The following SEMA3A variants were observed in gnomAD, a reference collection of about 807,000 sequenced individuals.
SEMA3A encodes the protein semaphorin 3A.
SEMA3A carries 29 observed loss-of-function variants against 97.9 expected under a neutral mutation model. The observed-to-expected ratio is 0.30, with a 90% CI of 0.22 to 0.40. The LOEUF (loss-of-function observed/expected upper bound fraction) is 0.40, where lower values mean the gene tolerates loss of function less well. Ranked by LOEUF, SEMA3A falls within the 10% of genes least tolerant of loss-of-function variation. SEMA3A has a pLI of 1.00. For missense variants in SEMA3A, 763 were observed against 951.3 expected, an observed-to-expected ratio of 0.80 and a Z score of 2.60; for synonymous variants, 321 against 323.7, an observed-to-expected ratio of 0.99 and a Z score of 0.09.
intron 4 of SEMA3A, among the ~76,000 whole-genome samples, chr7:84,091,213 AAAAGAAAAG>A (rs1373529725): frequency 1.9e-3 from 124 of 64,918 alleles, no homozygotes; most frequent in African/African-American, 5.7e-3. Flanking sequence ...AGAAAGAAAG[AAAAGAAAAG>A]AAAGAAAAGA....
chr7:84,147,028 C>A (rs1281821195), intron 1 of SEMA3A, among the ~76,000 whole-genome samples: 2 of 152,182 alleles, frequency 1.3e-5, no homozygotes, highest in Admixed American at 1.3e-4. Flanking sequence ...TAACACAGCA[C>A]ATGTTTCAGA....
chr7:84,005,130 G>A (rs1354441303), intron 11 of SEMA3A, among the ~76,000 whole-genome samples: 1 of 152,132 alleles, frequency 6.6e-6, no homozygotes, highest in East Asian at 1.9e-4. Context: ...AACATATGAA[G>A]CTAATCAACT....
chr7:84,396,685 T>C (rs932916093), intron 1 of SEMA3A, among the ~76,000 whole-genome samples: 10 of 152,056 alleles, frequency 6.6e-5, no homozygotes, highest in Admixed American at 6.6e-4. Flanking sequence ...CCTCCAAAGA[T>C]AGTAATAGCT....
rs1404241348 is a variant in SEMA3A at position 83,956,464 on chromosome 7, TG to T, written c.*4906del. 3.3e-5 allele frequency: 5 copies of T among 152,228 alleles called. No homozygotes were observed. The highest frequency in any genetic ancestry group is 3.3e-4 in the Admixed American group (5 of 15,282). The allele number at this position is 152,228 out of a possible 1,614,324, so 9.4% of individuals were successfully genotyped here. A position where few individuals can be genotyped will look rare whatever the true frequency, so the allele number is the denominator to read the frequency against. ...TAGAGGAGAGATTATGAAATACAGATGAGTTTGAAGACGGTTGTGGGAACAC... is the reference window on the plus strand; with the variant it reads ...TAGAGGAGAGATTATGAAATACAGATAGTTTGAAGACGGTTGTGGGAACAC... On this transcript the variant is annotated 3_prime_UTR_variant, in exon 17 of 17. Transcript: ENST00000265362.
At chr7:84,425,834 T>TAA (rs1177000361) in intron 1 of SEMA3A, among the ~76,000 whole-genome samples, 2 of 128,112 alleles carry the variant, frequency 1.6e-5, no homozygotes, top group African/African-American at 5.8e-5. Context: ...CATATATATA[T>TAA]AATATATAAT....
chr7:83,981,330 G>C lies in SEMA3A; in HGVS notation c.1643C>G (p.Thr548Ser). 6.2e-7 allele frequency: 1 copy of C among 1,613,894 alleles called. No homozygotes were observed. Among genetic ancestry groups the C allele is most frequent in the South Asian group, 1.1e-5 (1 of 91,068 alleles). The change falls in exon 14 of 17, where the codon ACT (threonine) becomes AGT (serine). Residue 548 changes from threonine (T) to serine (S), a missense_variant. Thr to Ser is a moderately conservative substitution (Grantham distance 58). Transcript: ENST00000265362. ...TGAATATTTTTCCTACCTCTTTGCA[G>C]TGGGAAAATAGCGAGAACATGCAGA... Reference protein sequence around the residue: ...DGSACSRYFPTAKRRTRRQDI... With the variant: ...DGSACSRYFPSAKRRTRRQDI...
intron 11 of SEMA3A, among the ~76,000 whole-genome samples, chr7:84,004,097 G>A (rs3801601): frequency 0.24 from 36,445 of 151,828 alleles, 4,524 homozygotes; most frequent in South Asian, 0.31. Flanking sequence ...AATAAATGTT[G>A]TTATACAAGG....
intron 1 of SEMA3A, among the ~76,000 whole-genome samples, chr7:84,397,399 A>C (rs2116196692): frequency 6.7e-6 from 1 of 148,554 alleles, no homozygotes; most frequent in Non-Finnish European, 1.5e-5. Context: ...AAACCAAAAT[A>C]TATATGTAAT....
At chr7:84,098,903 G>T (rs557777383) in intron 4 of SEMA3A, among the ~76,000 whole-genome samples, 82 of 149,212 alleles carry the variant, frequency 5.5e-4, no homozygotes, top group Non-Finnish European at 1.1e-3. Context: ...TTCTTTCACA[G>T]AATTATTAAA....
intron 2 of SEMA3A, among the ~76,000 whole-genome samples, chr7:84,312,915 TATATATACACAC>T (rs1801373243): frequency 4.6e-5 from 2 of 43,578 alleles, no homozygotes; most frequent in African/African-American, 6.7e-5. Context: ...TATATATATA[TATATATACACAC>T]ACACACACAC....
At chr7:84,184,941 A>G (rs1438646205) in intron 1 of SEMA3A, among the ~76,000 whole-genome samples, 1 of 152,182 alleles carries the variant, frequency 6.6e-6, no homozygotes, top group Non-Finnish European at 1.5e-5. Flanking sequence ...AAGGTCAACC[A>G]CAAATGACAG....
chr7:84,377,413 A>C (rs1480960377), intron 1 of SEMA3A, among the ~76,000 whole-genome samples: 2 of 152,064 alleles, frequency 1.3e-5, no homozygotes, highest in African/African-American at 2.4e-5. Flanking sequence ...GTTGGCTGTA[A>C]ATATATGGTT....
At chr7:84,490,717 C>A (rs1164907001) in intron 1 of SEMA3A, among the ~76,000 whole-genome samples, 1 of 152,080 alleles carries the variant, frequency 6.6e-6, no homozygotes, top group Non-Finnish European at 1.5e-5. Context: ...TGGAGTAAAT[C>A]AAGAAGAAAC....
intron 4 of SEMA3A, among the ~76,000 whole-genome samples, chr7:84,101,786 C>T (rs755533978): frequency 6.6e-6 from 1 of 152,030 alleles, no homozygotes; most frequent in African/African-American, 2.4e-5. Flanking sequence ...ACTGAGCTGT[C>T]CTATACGGGA....
intron 1 of SEMA3A, among the ~76,000 whole-genome samples, chr7:84,166,828 T>C (rs1464691533): frequency 2.8e-5 from 4 of 145,350 alleles, no homozygotes; most frequent in African/African-American, 7.8e-5. Context: ...TGAGCCGAGA[T>C]TGCACCACTG....
At chr7:84,134,709 A>G in intron 2 of SEMA3A, 85 bp downstream of exon 2, 2 of 1,059,052 alleles carry the variant, frequency 1.9e-6, no homozygotes, top group Non-Finnish European at 2.6e-6. Context: ...TTCTGTCAGT[A>G]ATCATGCTTT....
At chr7:84,375,651 T>C (rs960514763) in intron 1 of SEMA3A, among the ~76,000 whole-genome samples, 1 of 152,220 alleles carries the variant, frequency 6.6e-6, no homozygotes, top group Non-Finnish European at 1.5e-5. Flanking sequence ...GGTTAATTAG[T>C]ATATTCATCA....
intron 4 of SEMA3A, among the ~76,000 whole-genome samples, chr7:84,080,972 A>C (rs958583012): frequency 6.6e-6 from 1 of 152,088 alleles, no homozygotes; most frequent in Non-Finnish European, 1.5e-5. Context: ...AAATATGAAA[A>C]TAGTAAAAAT....
chr7:84,077,278 T>C (rs1207249458), intron 4 of SEMA3A, among the ~76,000 whole-genome samples: 1 of 152,088 alleles, frequency 6.6e-6, no homozygotes, highest in African/African-American at 2.4e-5. Context: ...CAAAACACCA[T>C]TATTTTTATT....
Sources: allele counts gnomAD v4.1 joint callset (sites outside exome capture counted in the v4.1 genomes callset), GRCh38; gene constraint gnomAD v4.1.1; transcripts MANE v1.5; gene names NCBI Gene and HGNC (gene_info 2026-07-23, HGNC 2026-07-21).